Variants in PCLO observed in about 807,000 individuals in gnomAD.
The protein encoded by PCLO is protein piccolo.
A neutral mutation model predicts 427.5 loss-of-function variants in PCLO; 82 were observed. The observed-to-expected ratio is 0.19, with a 90% CI of 0.16 to 0.23. PCLO has a LOEUF of 0.23. Ranked by LOEUF, PCLO falls within the 10% of genes least tolerant of loss-of-function variation. PCLO has a pLI of 1.00. For missense variants in PCLO, 6,239 were observed against 6,115.9 expected (o/e 1.02, Z -0.67); for synonymous variants, 2,357 against 2,155.4 (o/e 1.09, Z -2.59).
chr7:83,063,324 A>G (rs1583974666), intron 3 of PCLO, among the ~76,000 whole-genome samples: 1 of 152,092 alleles, frequency 6.6e-6, no homozygotes, highest in Non-Finnish European at 1.5e-5. Context: ...ATTGGAACTC[A>G]AATCTGCTCT....
chr7:83,016,762 T>C (rs1788218693), intron 3 of PCLO, among the ~76,000 whole-genome samples: 1 of 152,068 alleles, frequency 6.6e-6, no homozygotes, highest in Non-Finnish European at 1.5e-5. Context: ...TGGTATAGAT[T>C]GAAATAGGAA....
chr7:82,779,325 T>C (rs1017111623), intron 22 of PCLO, among the ~76,000 whole-genome samples: 2 of 152,198 alleles, frequency 1.3e-5, no homozygotes, highest in African/African-American at 4.8e-5. Flanking sequence ...TTTTGAATAA[T>C]AACTGAATAA....
intron 3 of PCLO, among the ~76,000 whole-genome samples, chr7:82,994,780 T>C (rs923596546): frequency 5.3e-5 from 8 of 151,852 alleles, no homozygotes; most frequent in East Asian, 1.9e-4. Context: ...CAAAGTGCTA[T>C]AGATCAGGTG....
Position 82,953,685 on chromosome 7 carries a change from G to T in PCLO, c.7268C>A (p.Pro2423His). The T allele has an allele frequency of 1.6e-6, 2 of 1,246,346 alleles. No homozygotes were observed. The highest frequency in any genetic ancestry group is 2.2e-6 in the Non-Finnish European group (2 of 897,138). The allele number at this position is 1,246,346 out of a possible 1,614,324, so 77.2% of individuals were successfully genotyped here. A position where few individuals can be genotyped will look rare whatever the true frequency, so the allele number is the denominator to read the frequency against. The change falls in exon 5 of 25, where the codon CCT becomes CAT. Residue 2423 changes from proline (P) to histidine (H), a missense_variant. By Grantham distance (77) the Pro-to-His change is moderately conservative. Around this residue, in one of 5 missense-constraint regions of PCLO, gnomAD observed 4,677 missense variants for 4,468.4 expected, o/e 1.05. Coordinates refer to ENST00000333891, the MANE Select transcript of PCLO (RefSeq NM_033026.6). ...PPPPPPPPPP[P>H]PPPLPPPTSP... ...AGTTGGTGGAGGAAGTGGTGGGGGA[G>T]GAGGGGGTGGTGGTGGAGGAGGAGG... is the stretch of plus-strand genomic sequence containing the variant.
chr7:82,787,231 C>T (rs4732483), intron 22 of PCLO, among the ~76,000 whole-genome samples: 11,493 of 152,024 alleles, frequency 0.076, 624 homozygotes, highest in East Asian at 0.15. Flanking sequence ...TACTTCTCCA[C>T]ATCCTCTCCA....
intron 3 of PCLO, among the ~76,000 whole-genome samples, chr7:83,099,351 C>A (rs1584023746): frequency 6.8e-6 from 1 of 146,460 alleles, no homozygotes; most frequent in Non-Finnish European, 1.5e-5. Flanking sequence ...TTTAAGGAAA[C>A]AAATAAACAA....
chr7:82,805,899 T>C (rs1423469014), intron 20 of PCLO, 70 bp from the exon 21 acceptor site: 2 of 1,392,804 alleles, frequency 1.4e-6, no homozygotes, highest in African/African-American at 2.9e-5. Flanking sequence ...AAATGCATCA[T>C]TATACATCTT....
chr7:83,089,863 CAG>C (rs1790334934), intron 3 of PCLO, among the ~76,000 whole-genome samples: 2 of 152,270 alleles, frequency 1.3e-5, no homozygotes, highest in Admixed American at 1.3e-4. Context: ...GCCAAGATTA[CAG>C]AGTAAGGAGA....
At chr7:82,815,287 C>T (rs921195187) in intron 20 of PCLO, among the ~76,000 whole-genome samples, 4 of 151,842 alleles carry the variant, frequency 2.6e-5, no homozygotes, top group Non-Finnish European at 4.4e-5. Flanking sequence ...CAGATTCTTC[C>T]ATAAAGAGGT....
chr7:82,950,612 C>T lies in PCLO; in HGVS notation c.9976G>A (p.Ala3326Thr), dbSNP rs1343479593. The T allele has an allele frequency of 6.2e-7, 1 of 1,613,844 alleles. No individual in the cohort carries two copies. The highest frequency in any genetic ancestry group is 1.1e-5 in the South Asian group (1 of 91,082). Residue 3326 changes from alanine to threonine, a missense_variant, in exon 6 of 25, where the codon GCT becomes ACT. Coordinates refer to ENST00000333891, the MANE Select transcript of PCLO (RefSeq NM_033026.6). ...TGCTCTGTAGTGGTTTGTGGAGAAG[C>T]AGTTCCAGAAGGGTCATAGTTATAC... is the stretch of plus-strand genomic sequence containing the variant. ...YQYNYDPSGT[A>T]SPQTTTEQAI...
chr7:83,041,394 T>G (rs1370744367), intron 3 of PCLO, among the ~76,000 whole-genome samples: 1 of 152,166 alleles, frequency 6.6e-6, no homozygotes, highest in Non-Finnish European at 1.5e-5. Flanking sequence ...AGACTTATAT[T>G]TTCATAACAG....
At chr7:82,992,219 C>T (rs965672291) in intron 3 of PCLO, among the ~76,000 whole-genome samples, 2 of 152,036 alleles carry the variant, frequency 1.3e-5, no homozygotes, top group African/African-American at 4.8e-5. Flanking sequence ...GTATCTCTGG[C>T]CTTTGTTCCA....
intron 20 of PCLO, among the ~76,000 whole-genome samples, chr7:82,807,895 C>T (rs1791486874): frequency 6.6e-6 from 1 of 151,774 alleles, no homozygotes; most frequent in Admixed American, 6.6e-5. Context: ...TTTGTGGAAA[C>T]AGAATAGTTA....
intron 20 of PCLO, among the ~76,000 whole-genome samples, chr7:82,816,572 T>G (rs138640597): frequency 6.6e-6 from 1 of 152,132 alleles, no homozygotes. Context: ...TTTAAAGACA[T>G]GTCATAAATA....
chr7:82,867,959 A>G, intron 10 of PCLO: 1 of 356,400 alleles, frequency 2.8e-6, no homozygotes, highest in Non-Finnish European at 5.5e-6. Flanking sequence ...AGGGACCAGT[A>G]ATTTGTATTT....
intron 3 of PCLO, among the ~76,000 whole-genome samples, chr7:83,042,288 T>C (rs1056889111): frequency 3.9e-5 from 6 of 152,164 alleles, no homozygotes; most frequent in Non-Finnish European, 8.8e-5. Flanking sequence ...TATCTCTGCA[T>C]TGAAAAACAA....
At position 82,952,037 on chromosome 7, in the gene PCLO, G is replaced by A. The variant is rs747357924; in HGVS notation, c.8916C>T (p.Asp2972=). The A allele has an allele frequency of 2.2e-5, 36 of 1,613,776 alleles. No homozygotes were observed. The highest frequency in any genetic ancestry group is 9.9e-5 in the South Asian group (9 of 91,086). Reference sequence around the variant, plus strand: ...GCCCTGATCGATCATACTGATAGTGGTCATCCCTATAACCAAAACGATCCT... The same window carrying A: ...GCCCTGATCGATCATACTGATAGTGATCATCCCTATAACCAAAACGATCCT... ...LPEDRFGYRD[D]HYQYDRSGPY... Residue 2972 remains aspartate (D), a synonymous_variant, in exon 5 of 25, where the codon GAC becomes GAT. Coordinates refer to ENST00000333891, the MANE Select transcript of PCLO (RefSeq NM_033026.6).
intron 3 of PCLO, among the ~76,000 whole-genome samples, chr7:82,979,637 C>G (rs149999921): frequency 6.6e-6 from 1 of 152,076 alleles, no homozygotes; most frequent in Admixed American, 6.6e-5. Flanking sequence ...GTAGATACAG[C>G]CATATAAGGC....
intron 3 of PCLO, among the ~76,000 whole-genome samples, chr7:83,118,165 T>C (rs1392239403): frequency 6.6e-6 from 1 of 152,170 alleles, no homozygotes; most frequent in Non-Finnish European, 1.5e-5. Context: ...AAAAGATTTA[T>C]AGAGTTTTAA....
Sources: allele counts gnomAD v4.1 joint callset (sites outside exome capture counted in the v4.1 genomes callset), GRCh38; gene constraint gnomAD v4.1.1; regional missense constraint gnomAD v4.1.1; transcripts MANE v1.5; gene names NCBI Gene and HGNC (gene_info 2026-07-23, HGNC 2026-07-21).